Variants in LIG3 observed in about 807,000 individuals in gnomAD.
LIG3 encodes the protein DNA ligase 3, also known as ligase II, DNA, ATP-dependent.
LIG3 carries 58 observed loss-of-function variants against 110.9 expected under a neutral mutation model. The ratio of observed to expected loss-of-function variants is 0.52; its 90% CI spans 0.42 to 0.65. The LOEUF (loss-of-function observed/expected upper bound fraction) is 0.65. LIG3 is among the 30% of genes least tolerant of loss of function. The pLI is 0.00. For missense variants in LIG3, 1,094 were observed against 1,273.8 expected, an observed-to-expected ratio of 0.86 and a Z score of 2.15; for synonymous variants, 422 against 472.8, an observed-to-expected ratio of 0.89 and a Z score of 1.39.
At chr17:34,990,505 C>T (rs762719879) in intron 4 of LIG3, among the ~76,000 whole-genome samples, 1 of 152,152 alleles carries the variant, frequency 6.6e-6, no homozygotes, top group African/African-American at 2.4e-5. Context: ...GTCTCAAACT[C>T]CTGGATTCAA....
At position 34,980,536 on chromosome 17, in the gene LIG3, A is replaced by G; in HGVS notation, c.-91A>G. On this transcript the variant is annotated 5_prime_UTR_variant, in exon 1 of 20. Coordinates refer to ENST00000378526, the MANE Select transcript of LIG3 (RefSeq NM_013975.4). The stretch of plus-strand genomic sequence containing the variant: ...CGCTCTAGGACCCGGATTTAAAGAG[A>G]CAGGCGCTCCAACCGTCGTGGGCTG... 7.8e-7 allele frequency: 1 copy of G among 1,285,612 alleles called. No homozygotes were observed. Among genetic ancestry groups the G allele is most frequent in the Non-Finnish European group, 1.0e-6 (1 of 986,470 alleles). The allele number at this position is 1,285,612 out of a possible 1,614,324, so 79.6% of individuals were successfully genotyped here.
chr17:34,992,057 A>T (rs775044903), intron 7 of LIG3, 22 bp downstream of exon 7: 2 of 1,602,554 alleles, frequency 1.2e-6, no homozygotes, highest in East Asian at 4.5e-5. Flanking sequence ...CTCCGCTGAC[A>T]GCCTGAGCTG....
chr17:34,983,015 G>A lies in LIG3; in HGVS notation c.10G>A (p.Ala4Thr), dbSNP rs756791196. ...TCTTTCGTACAGCTATATGTCTTTG[G>A]CTTTCAAGATCTTCTTTCCACAAAC... MSLAFKIFFPQTLR... is the reference protein window; with the variant it reads MSLTFKIFFPQTLR... Residue 4 changes from alanine to threonine, a missense_variant, in exon 2 of 20, where the codon GCT (alanine) becomes ACT (threonine). Coordinates refer to ENST00000378526, the MANE Select transcript of LIG3 (RefSeq NM_013975.4). The A allele has an allele frequency of 1.3e-6, 2 of 1,568,032 alleles. No individual in the cohort carries two copies. The highest frequency in any genetic ancestry group is 1.2e-5 in the South Asian group (1 of 84,286).
chr17:35,002,298 G>T (rs2090851991), intron 18 of LIG3, among the ~76,000 whole-genome samples, 194 bp downstream of exon 18: 1 of 152,106 alleles, frequency 6.6e-6, no homozygotes, highest in Non-Finnish European at 1.5e-5. Flanking sequence ...CCCTGTATCT[G>T]CTCAGCAAAC....
chr17:34,990,910 T>A (rs559832471), intron 4 of LIG3, 53 bp from the exon 5 acceptor site: 1 of 1,572,950 alleles, frequency 6.4e-7, no homozygotes, highest in South Asian at 1.1e-5. Context: ...TTTGAGTTTA[T>A]ATATTTATTT....
intron 8 of LIG3, among the ~76,000 whole-genome samples, chr17:34,993,651 C>T (rs1228407977): frequency 1.3e-5 from 2 of 152,230 alleles, no homozygotes; most frequent in Non-Finnish European, 2.9e-5. Flanking sequence ...AGCACCTATT[C>T]TCTCTAACCT....
chr17:34,982,090 C>T (rs1597786939), intron 1 of LIG3, among the ~76,000 whole-genome samples: 2 of 152,216 alleles, frequency 1.3e-5, no homozygotes, highest in East Asian at 3.9e-4. Context: ...AAGTTAGGCC[C>T]CATAATTAGC....
At chr17:35,000,850 G>A (rs907452647) in intron 16 of LIG3, among the ~76,000 whole-genome samples, 6 of 151,818 alleles carry the variant, frequency 4.0e-5, no homozygotes, top group African/African-American at 1.5e-4. Context: ...CTGACCTCAG[G>A]TGATCCACCT....
rs2090894567 is a variant in LIG3 at position 35,006,262 on chromosome 17, T to A, written c.*1756T>A. 1 of 154,964 alleles carries A rather than the reference T, an allele frequency of 6.5e-6. No homozygotes were observed. Among genetic ancestry groups the A allele is most frequent in the Admixed American group, 6.4e-5 (1 of 15,718 alleles). 9.6% of individuals were successfully genotyped at this position (154,964 alleles called of 1,614,324 possible). A position where few individuals can be genotyped will look rare whatever the true frequency, so the allele number is the denominator to read the frequency against. On this transcript the variant is annotated 3_prime_UTR_variant, in exon 20 of 20. Coordinates refer to ENST00000378526, the MANE Select transcript of LIG3 (RefSeq NM_013975.4). ...CTAGCCACAGACAGCTGCTGAGCAA[T>A]TGAAATGAAGCTGGCACAACTAAGG...
chr17:34,997,228 G>C (rs1033479401), intron 11 of LIG3: 1 of 167,748 alleles, frequency 6.0e-6, no homozygotes, highest in African/African-American at 2.4e-5. Flanking sequence ...TCCTCACTTA[G>C]AAATGTATCT....
chr17:34,996,465 A>C (rs986093170), intron 10 of LIG3, 109 bp from the exon 11 acceptor site: 2 of 943,458 alleles, frequency 2.1e-6, no homozygotes, highest in African/African-American at 3.2e-5. Flanking sequence ...CAGAAATAGT[A>C]CTTTTTCATC....
chr17:34,991,624 T>G, intron 5 of LIG3, 47 bp from the exon 6 acceptor site: 1 of 1,595,586 alleles, frequency 6.3e-7, no homozygotes, highest in Middle Eastern at 1.8e-4. Flanking sequence ...GGGATACACT[T>G]GGCCACCCTA....
chr17:34,996,713 G>T, intron 11 of LIG3, 60 bp downstream of exon 11: 1 of 1,423,498 alleles, frequency 7.0e-7, no homozygotes, highest in Non-Finnish European at 9.9e-7. Flanking sequence ...CATTTCCTGG[G>T]TGAGGAAGAT....
Position 34,996,480 on chromosome 17 carries a change from G to A in LIG3, c.1744-94G>A, listed in dbSNP as rs953257543. 174 of 998,760 alleles carry A rather than the reference G, an allele frequency of 1.7e-4. 2 individuals are homozygous for A. In the South Asian group the frequency reaches 2.3e-3, roughly 13 times the overall value. 61.9% of individuals were successfully genotyped at this position (998,760 alleles called of 1,614,324 possible). ...CAGAAATAGTACTTTTTCATCCGGT[G>A]CCTCAGGGGGCCTCCAGAAGTGGAC... is the stretch of plus-strand genomic sequence containing the variant. On this transcript the variant is annotated intron_variant, in intron 10 of 19. Transcript: ENST00000378526.
At position 35,007,411 on chromosome 17, in the gene LIG3, A is replaced by G. The variant is rs1320100938; in HGVS notation, c.*2905A>G. On this transcript the variant is annotated 3_prime_UTR_variant, in exon 20 of 20. Transcript: ENST00000378526. Reference sequence around the variant, plus strand: ...CAATGCAGCCCTCAACATCATCATCATAAATCTCTCCAGCAGAATGCTGGA... The same window carrying G: ...CAATGCAGCCCTCAACATCATCATCGTAAATCTCTCCAGCAGAATGCTGGA... 1 of 152,210 alleles carries G rather than the reference A, an allele frequency of 6.6e-6. No homozygotes were observed. The highest frequency in any genetic ancestry group is 1.5e-5 in the Non-Finnish European group (1 of 68,078). 9.4% of individuals were successfully genotyped at this position (152,210 alleles called of 1,614,324 possible). A position where few individuals can be genotyped will look rare whatever the true frequency, so the allele number is the denominator to read the frequency against.
chr17:34,998,221 A>AGCTTTG lies in LIG3; in HGVS notation c.1916_1921dup (p.Ala639_Leu640dup), dbSNP rs1342304386. ...TCAGCATCTCTCTTGTCCCTCAGAA[A>AGCTTTG]GCTTTGGACTTGGCTGACATGATAA... is the stretch of plus-strand genomic sequence containing the variant. On this transcript the variant is annotated inframe_insertion, in exon 13 of 20. Coordinates refer to ENST00000378526, the MANE Select transcript of LIG3 (RefSeq NM_013975.4). 3.1e-6 allele frequency: 5 copies of AGCTTTG among 1,611,654 alleles called. No individual in the cohort carries two copies. The highest frequency in any genetic ancestry group is 4.2e-6 in the Non-Finnish European group (5 of 1,178,904).
At position 34,991,112 on chromosome 17, in the gene LIG3, C is replaced by G; in HGVS notation, c.1039C>G (p.Gln347Glu). The change falls in exon 5 of 20, where the codon CAG becomes GAG. Residue 347 changes from glutamine to glutamate, a missense_variant and splice_region_variant. Gln to Glu is a conservative substitution (Grantham distance 29). Transcript: ENST00000378526. ...NPDDMARDLE[Q>E]GDVSETIRVF... Reference sequence around the variant, plus strand: ...AGATGATATGGCACGGGACCTAGAGCAGGTCAGAGGAACGGGAGGGAGGGT... The same window carrying G: ...AGATGATATGGCACGGGACCTAGAGGAGGTCAGAGGAACGGGAGGGAGGGT... 1 of 1,613,926 alleles carries G rather than the reference C, an allele frequency of 6.2e-7. No individual in the cohort carries two copies. The highest frequency in any genetic ancestry group is 1.1e-5 in the South Asian group (1 of 91,068).
intron 11 of LIG3, chr17:34,997,061 T>C (rs1008754972): frequency 5.8e-6 from 1 of 171,246 alleles, no homozygotes; most frequent in Non-Finnish European, 1.3e-5. Flanking sequence ...ATAAGGCAGA[T>C]GGTTTTCAGC....
In LIG3 at chr17:35,005,685, T is replaced by C. The variant is rs1359558435; in HGVS notation, c.*1179T>C. On this transcript the variant is annotated 3_prime_UTR_variant, in exon 20 of 20. Coordinates refer to ENST00000378526, the MANE Select transcript of LIG3 (RefSeq NM_013975.4). ...TGGATTCGTCTGTGTCCTACTGAGT[T>C]TTTTCATGGCTGGAGTATTCATGTG... 1.8e-6 allele frequency: 1 copy of C among 562,588 alleles called. No homozygotes were observed. Among genetic ancestry groups the C allele is most frequent in the South Asian group, 1.4e-5 (1 of 72,744 alleles). The allele number at this position is 562,588 out of a possible 1,614,324, so 34.8% of individuals were successfully genotyped here. A position where few individuals can be genotyped will look rare whatever the true frequency, so the allele number is the denominator to read the frequency against.
Sources: gnomAD v4.1 joint callset for allele counts (sites outside exome capture counted in the v4.1 genomes callset) on GRCh38, gnomAD v4.1.1 for gene constraint, MANE v1.5 for transcripts, NCBI Gene and HGNC (gene_info 2026-07-23, HGNC 2026-07-21) for gene names.